Variants in CSMD1 observed in about 807,000 individuals in gnomAD.
CSMD1 encodes the protein CUB and sushi domain-containing protein 1.
CSMD1 carries 213 observed loss-of-function variants against 417.5 expected under a neutral mutation model. The ratio of observed to expected loss-of-function variants is 0.51; its 90% CI spans 0.46 to 0.57. The LOEUF is 0.57. Among genes scored for constraint, CSMD1 ranks in the 20% least tolerant of loss-of-function variants. The pLI is 0.00. For synonymous variants in CSMD1, 2,862 were observed against 1,736.8 expected, an observed-to-expected ratio of 1.65 and a Z score of -16.11; for missense variants, 6,923 against 4,529.7, an observed-to-expected ratio of 1.53 and a Z score of -15.17.
chr8:4,432,261 T>C (rs1797914745), intron 2 of CSMD1, among the ~76,000 whole-genome samples: 1 of 152,128 alleles, frequency 6.6e-6, no homozygotes, highest in African/African-American at 2.4e-5. Flanking sequence ...CACAGGAACT[T>C]AACTGTTTTC....
intron 40 of CSMD1, among the ~76,000 whole-genome samples, chr8:3,147,562 G>C (rs1460452246): frequency 6.6e-6 from 1 of 152,292 alleles, no homozygotes; most frequent in South Asian, 2.1e-4. Context: ...GAGACCACGG[G>C]AAGCTACATT....
intron 1 of CSMD1, among the ~76,000 whole-genome samples, chr8:4,769,503 T>A (rs948678935): frequency 6.6e-6 from 1 of 152,280 alleles, no homozygotes; most frequent in African/African-American, 2.4e-5. Context: ...TTGAAAAAAA[T>A]TATGAAATAC....
At chr8:4,444,223 T>C (rs938558439) in intron 2 of CSMD1, among the ~76,000 whole-genome samples, 7 of 151,722 alleles carry the variant, frequency 4.6e-5, no homozygotes, top group African/African-American at 1.5e-4. Flanking sequence ...AGACCTGTGA[T>C]CCCAACTACT....
chr8:4,993,029 C>A (rs1029920800), intron 1 of CSMD1, among the ~76,000 whole-genome samples: 1 of 152,218 alleles, frequency 6.6e-6, no homozygotes, highest in Non-Finnish European at 1.5e-5. Flanking sequence ...GTCTCTCCCC[C>A]GCTCTCCAGG....
intron 4 of CSMD1, among the ~76,000 whole-genome samples, chr8:4,004,594 T>G (rs1317944590): frequency 1.3e-5 from 2 of 152,084 alleles, no homozygotes; most frequent in Non-Finnish European, 2.9e-5. Flanking sequence ...ATTTGGGATT[T>G]TCCTTCTTTC....
chr8:3,236,663 G>C (rs573785073), intron 26 of CSMD1, among the ~76,000 whole-genome samples: 1 of 152,182 alleles, frequency 6.6e-6, no homozygotes, highest in Non-Finnish European at 1.5e-5. Flanking sequence ...GATTGGCAGA[G>C]CACGCTGTCA....
chr8:4,135,705 T>C (rs1803388053), intron 3 of CSMD1, among the ~76,000 whole-genome samples: 1 of 152,156 alleles, frequency 6.6e-6, no homozygotes, highest in Non-Finnish European at 1.5e-5. Flanking sequence ...ATATTATTAT[T>C]GTAATAATAT....
chr8:3,207,937 A>G (rs1585658318), intron 30 of CSMD1, among the ~76,000 whole-genome samples: 1 of 152,178 alleles, frequency 6.6e-6, no homozygotes, highest in East Asian at 1.9e-4. Flanking sequence ...GGTTTCCAAT[A>G]GAATGCTGGC....
chr8:4,261,375 A>C (rs549691786), intron 3 of CSMD1, among the ~76,000 whole-genome samples: 1 of 152,288 alleles, frequency 6.6e-6, no homozygotes, highest in South Asian at 2.1e-4. Context: ...AGAAATAGAG[A>C]TTAGAATCAG....
chr8:4,207,164 G>A (rs536338145), intron 3 of CSMD1, among the ~76,000 whole-genome samples: 1 of 152,142 alleles, frequency 6.6e-6, no homozygotes, highest in African/African-American at 2.4e-5. Context: ...TATAGGTATA[G>A]TAATAAGTAT....
chr8:4,216,818 G>C lies in CSMD1; in HGVS notation c.416-184719C>G, dbSNP rs190762263. On this transcript the variant is annotated intron_variant, in intron 3 of 69. Coordinates refer to ENST00000635120, the MANE Select transcript of CSMD1 (RefSeq NM_033225.6). Reference sequence around the variant, plus strand: ...AATTACACACAGAATTCCAACACAAGAAAGAGGTAAACATGAGGATGGGGT... The same window carrying C: ...AATTACACACAGAATTCCAACACAACAAAGAGGTAAACATGAGGATGGGGT... Among the ~76,000 whole-genome samples the C allele has an allele frequency of 1.1e-3, 162 of 152,228 alleles. 1 individual carries two copies. The highest frequency in any genetic ancestry group is 1.9e-3 in the Non-Finnish European group (128 of 67,998).
Position 3,221,782 on chromosome 8 carries a change from G to C in CSMD1, c.4484+1947C>G, listed in dbSNP as rs113815355. Among the ~76,000 whole-genome samples, 407 of 152,174 alleles carry C rather than the reference G, an allele frequency of 2.7e-3. 4 individuals are homozygous for C. Among genetic ancestry groups the C allele is most frequent in the African/African-American group, 9.3e-3 (385 of 41,522 alleles). On this transcript the variant is annotated intron_variant, in intron 28 of 69. Coordinates refer to ENST00000635120, the MANE Select transcript of CSMD1 (RefSeq NM_033225.6). ...CAATGTGTGAGCCCCACAATCCACA[G>C]GGACGTGTAATGGAACATCCTCTCT...
chr8:3,958,306 T>C (rs1377855614), intron 5 of CSMD1, among the ~76,000 whole-genome samples: 1 of 121,340 alleles, frequency 8.2e-6, no homozygotes, highest in Non-Finnish European at 1.7e-5. Context: ...AAGTTTCATT[T>C]TTTTAAACTC....
chr8:4,773,012 C>A (rs1421462010), intron 1 of CSMD1, among the ~76,000 whole-genome samples: 1 of 152,142 alleles, frequency 6.6e-6, no homozygotes, highest in Non-Finnish European at 1.5e-5. Context: ...GACCAATTAA[C>A]AAGAAATGCT....
intron 3 of CSMD1, among the ~76,000 whole-genome samples, chr8:4,326,914 G>C (rs536207886): frequency 6.6e-6 from 1 of 152,244 alleles, no homozygotes; most frequent in African/African-American, 2.4e-5. Context: ...GGAAAAGTAA[G>C]TTAGGAGCCA....
chr8:4,660,674 G>A (rs1804537703), intron 1 of CSMD1, among the ~76,000 whole-genome samples: 1 of 120,102 alleles, frequency 8.3e-6, no homozygotes, highest in African/African-American at 3.2e-5. Context: ...ATCCTGTAAA[G>A]GGAATGAAAA....
chr8:3,979,771 G>A (rs1179163331), intron 5 of CSMD1, among the ~76,000 whole-genome samples: 2 of 152,204 alleles, frequency 1.3e-5, no homozygotes, highest in Non-Finnish European at 1.5e-5. Context: ...ATAAGTGTGT[G>A]TTATTTAAGC....
At chr8:3,599,139 G>GTGTGTGTGTGTC (rs1304896525) in intron 8 of CSMD1, among the ~76,000 whole-genome samples, 5 of 141,870 alleles carry the variant, frequency 3.5e-5, no homozygotes, top group Middle Eastern at 3.4e-3. Flanking sequence ...GTGTGTGTGT[G>GTGTGTGTGTGTC]TGTGTGTGTG....
At position 3,399,353 on chromosome 8, in the gene CSMD1, C is replaced by T. The variant is rs755193457; in HGVS notation, c.2405+38G>A. 10 of 1,544,336 alleles carry T rather than the reference C, an allele frequency of 6.5e-6. No homozygotes were observed. The East Asian group carries it at 1.8e-4, about 28-fold the overall frequency. ...TTACTAAAACTATGGAAGAGACACA[C>T]ACCATTGGGTCCAAATGAAGACTAA... On this transcript the variant is annotated intron_variant, in intron 16 of 69. Coordinates refer to ENST00000635120, the MANE Select transcript of CSMD1 (RefSeq NM_033225.6).
Sources: allele counts gnomAD v4.1 joint callset (sites outside exome capture counted in the v4.1 genomes callset), GRCh38; gene constraint gnomAD v4.1.1; transcripts MANE v1.5; gene names NCBI Gene and HGNC (gene_info 2026-07-23, HGNC 2026-07-21).